Variants in NUP37 observed in about 807,000 individuals in gnomAD.
NUP37 encodes nucleoporin 37.
Under a neutral mutation model 45.4 loss-of-function variants are expected in NUP37, and 33 were observed. The ratio of observed to expected loss-of-function variants is 0.73; its 90% confidence interval spans 0.55 to 0.97. The LOEUF is 0.97. NUP37 is among the 50% of genes least tolerant of loss of function. NUP37 has a pLI of 0.00. For synonymous variants in NUP37, 127 were observed against 130.7 expected, an observed-to-expected ratio of 0.97 and a Z score of 0.19; for missense variants, 365 against 389.7, an observed-to-expected ratio of 0.94 and a Z score of 0.53.
intron 2 of NUP37, among the ~76,000 whole-genome samples, chr12:102,112,573 G>A (rs1011926420): frequency 5.3e-5 from 8 of 152,154 alleles, no homozygotes; most frequent in African/African-American, 1.9e-4. Flanking sequence ...GAGGTGGAAG[G>A]ATTGCTTGAG....
chr12:102,083,678 C>T (rs2136718132), intron 6 of NUP37, among the ~76,000 whole-genome samples: 1 of 152,236 alleles, frequency 6.6e-6, no homozygotes, highest in East Asian at 1.9e-4. Context: ...TGACAATTAA[C>T]CCTTGAAGCA....
rs200229630 is a variant in NUP37, at chr12:102,090,604, G to GA, written c.450-4749dup. Among the ~76,000 whole-genome samples the GA allele has an allele frequency of 7.4e-3, 1,116 of 151,442 alleles. 44 individuals carry two copies. The highest frequency in any genetic ancestry group is 0.059 in the Admixed American group (907 of 15,256). On this transcript the variant is annotated intron_variant, in intron 5 of 9. Coordinates refer to ENST00000552283, the MANE Select transcript of NUP37 (RefSeq NM_024057.4). ...CTAACTAAAGGTTAAGTTTCTAAAAGAAAAAAAACTCACTCATATTAGGTA... is the reference window on the plus strand; with the variant it reads ...CTAACTAAAGGTTAAGTTTCTAAAAGAAAAAAAAACTCACTCATATTAGGTA...
intron 2 of NUP37, among the ~76,000 whole-genome samples, chr12:102,117,558 C>T (rs1594403966): frequency 6.6e-6 from 1 of 152,196 alleles, no homozygotes; most frequent in East Asian, 1.9e-4. Context: ...TAGCTTTCCT[C>T]TGGGAAAACA....
chr12:102,106,303 C>T (rs955019066), intron 3 of NUP37, among the ~76,000 whole-genome samples: 3 of 152,180 alleles, frequency 2.0e-5, no homozygotes, highest in Non-Finnish European at 4.4e-5. Context: ...GAAATAAAGA[C>T]GCCATCATAA....
intron 3 of NUP37, among the ~76,000 whole-genome samples, chr12:102,101,730 C>CT (rs948366289): frequency 1.2e-4 from 18 of 150,962 alleles, no homozygotes; most frequent in African/African-American, 2.7e-4. Flanking sequence ...GCAAACACTC[C>CT]TTTTTTTTTC....
chr12:102,076,705 C>A, intron 8 of NUP37, 92 bp downstream of exon 8: 7 of 979,776 alleles, frequency 7.1e-6, no homozygotes, highest in South Asian at 1.6e-5. Context: ...AAAAAAAATC[C>A]AGTGCAAAGA....
intron 3 of NUP37, among the ~76,000 whole-genome samples, chr12:102,111,306 A>G (rs1303826922): frequency 6.6e-6 from 1 of 152,208 alleles, no homozygotes; most frequent in Non-Finnish European, 1.5e-5. Context: ...TTAACTGGGA[A>G]GAAGTATGAC....
At chr12:102,103,533 G>A (rs993380086) in intron 3 of NUP37, among the ~76,000 whole-genome samples, 1 of 152,130 alleles carries the variant, frequency 6.6e-6, no homozygotes, top group Non-Finnish European at 1.5e-5. Flanking sequence ...TCAGGAAACA[G>A]ACAATTTAAC....
intron 7 of NUP37, chr12:102,077,086 A>G (rs926426380): frequency 2.1e-5 from 13 of 615,524 alleles, no homozygotes; most frequent in Non-Finnish European, 3.4e-5. Flanking sequence ...ATATAAGTCA[A>G]CATTGCACAG....
At chr12:102,087,083 G>C (rs186701510) in intron 5 of NUP37, among the ~76,000 whole-genome samples, 1 of 152,280 alleles carries the variant, frequency 6.6e-6, no homozygotes, top group Admixed American at 6.5e-5. Context: ...CTGGGTGACA[G>C]AGACCCTGTC....
Position 102,077,489 on chromosome 12 carries a change from C to T in NUP37, c.555G>A (p.Glu185=). 1 of 1,613,054 alleles carries T rather than the reference C, an allele frequency of 6.2e-7. No homozygotes were observed. The highest frequency in any genetic ancestry group is 8.5e-7 in the Non-Finnish European group (1 of 1,179,872). ...PEETFKLMVA[E]KNGTIRFYDL... The stretch of plus-strand genomic sequence containing the variant: ...CATAAAACCGGATTGTTCCATTCTT[C>T]TCTGCAACCATTAGCTGTAAGACAG... The change falls in exon 7 of 10, where the codon GAG becomes GAA. Residue 185 remains glutamate (E), a synonymous_variant. Coordinates refer to ENST00000552283, the MANE Select transcript of NUP37 (RefSeq NM_024057.4).
intron 8 of NUP37, 121 bp downstream of exon 8, chr12:102,076,676 T>G (rs1879176998): frequency 1.4e-6 from 1 of 726,978 alleles, no homozygotes; most frequent in Non-Finnish European, 2.3e-6. Flanking sequence ...AAATAACCAC[T>G]TATAAAACAA....
At chr12:102,079,491 G>A (rs1339625037) in intron 6 of NUP37, among the ~76,000 whole-genome samples, 1 of 152,110 alleles carries the variant, frequency 6.6e-6, no homozygotes, top group East Asian at 1.9e-4. Context: ...TAGGTTCCCT[G>A]CCAGCCTTTT....
At chr12:102,082,663 T>C (rs575157701) in intron 6 of NUP37, among the ~76,000 whole-genome samples, 16 of 152,334 alleles carry the variant, frequency 1.1e-4, no homozygotes, top group Non-Finnish European at 2.2e-4. Context: ...AGGCAGTTAA[T>C]TCAAGAGTCC....
At chr12:102,091,180 T>C (rs1218437256) in intron 5 of NUP37, among the ~76,000 whole-genome samples, 2 of 152,022 alleles carry the variant, frequency 1.3e-5, no homozygotes. Context: ...GCGGATCACC[T>C]GAGGTCAGGA....
chr12:102,096,095 A>G (rs1401373817), intron 5 of NUP37, among the ~76,000 whole-genome samples: 2 of 152,188 alleles, frequency 1.3e-5, no homozygotes, highest in Non-Finnish European at 2.9e-5. Context: ...TTTATAGAAT[A>G]TATCATAAAA....
Position 102,085,864 on chromosome 12 carries a change from A to G in NUP37, c.450-8T>C. 1 of 1,397,126 alleles carries G rather than the reference A, an allele frequency of 7.2e-7. No individual in the cohort carries two copies. Among genetic ancestry groups the G allele is most frequent in the Non-Finnish European group, 1.0e-6 (1 of 994,562 alleles). The allele number at this position is 1,397,126 out of a possible 1,614,324, so 86.5% of individuals were successfully genotyped here. A position where few individuals can be genotyped will look rare whatever the true frequency, so the allele number is the denominator to read the frequency against. On this transcript the variant is annotated splice_region_variant and splice_polypyrimidine_tract_variant and intron_variant, in intron 5 of 9. Transcript: ENST00000552283. The stretch of plus-strand genomic sequence containing the variant: ...CCTTCCAAGTTCCAAATCCTAATAA[A>G]AGAATAACAGTATAATGTTAATTGT...
rs1452181111 is a variant in NUP37, at chr12:102,074,343, C to G, written c.*11G>C. The G allele has an allele frequency of 1.3e-6, 2 of 1,523,734 alleles. No homozygotes were observed. The highest frequency in any genetic ancestry group is 1.7e-4 in the Middle Eastern group (1 of 5,880). 94.4% of individuals were successfully genotyped at this position (1,523,734 alleles called of 1,614,324 possible). ...ATACAAAGTTTGTGAATCTAAGGTA[C>G]AGAAAACACTTTATACTTCAGTCAC... On this transcript the variant is annotated 3_prime_UTR_variant, in exon 10 of 10. Coordinates refer to ENST00000552283, the MANE Select transcript of NUP37 (RefSeq NM_024057.4).
chr12:102,118,316 G>A lies in NUP37; in HGVS notation c.156+47C>T, dbSNP rs200266251. ...GATTTGGTTTGTGTAAGTTCTCTTAGTAGTGAAATATGTTCACTGTCATTC... is the reference window on the plus strand; with the variant it reads ...GATTTGGTTTGTGTAAGTTCTCTTAATAGTGAAATATGTTCACTGTCATTC... On this transcript the variant is annotated intron_variant, in intron 2 of 9. Transcript: ENST00000552283. 3.1e-3 allele frequency: 4,640 copies of A among 1,516,588 alleles called. 9 individuals are homozygous for A. Among genetic ancestry groups the A allele is most frequent in the Non-Finnish European group, 3.6e-3 (4,014 of 1,121,014 alleles). 93.9% of individuals were successfully genotyped at this position (1,516,588 alleles called of 1,614,324 possible).
Sources: allele counts gnomAD v4.1 joint callset (sites outside exome capture counted in the v4.1 genomes callset), GRCh38; gene constraint gnomAD v4.1.1; transcripts MANE v1.5; gene names NCBI Gene and HGNC (gene_info 2026-07-23, HGNC 2026-07-21).